Variants in AUTS2 observed in about 807,000 individuals in gnomAD.
The protein encoded by AUTS2 is activator of transcription and developmental regulator AUTS2, also known as autism susceptibility gene 2 protein.
A neutral mutation model predicts 112.4 loss-of-function variants in AUTS2; 17 were observed. The ratio of observed to expected loss-of-function variants is 0.15; its 90% confidence interval spans 0.10 to 0.23. The LOEUF is 0.23. Among genes scored for constraint, AUTS2 ranks in the 10% least tolerant of loss-of-function variants. The pLI is 1.00. For missense variants in AUTS2, 1,510 were observed against 1,701.6 expected (o/e 0.89, Z 1.98); for synonymous variants, 751 against 702.7 (o/e 1.07, Z -1.09).
At chr7:70,057,715 T>C (rs1374860633) in intron 2 of AUTS2, among the ~76,000 whole-genome samples, 1 of 152,212 alleles carries the variant, frequency 6.6e-6, no homozygotes, top group Non-Finnish European at 1.5e-5. Flanking sequence ...CCCTCTGTTC[T>C]AGCCTTTCAG....
intron 4 of AUTS2, among the ~76,000 whole-genome samples, chr7:70,238,095 C>A (rs961649884): frequency 1.3e-5 from 2 of 152,214 alleles, no homozygotes; most frequent in Non-Finnish European, 2.9e-5. Flanking sequence ...AAATTGAGCA[C>A]AAGCCCCATC....
chr7:69,975,833 G>A (rs549117150), intron 2 of AUTS2, among the ~76,000 whole-genome samples: 13 of 151,812 alleles, frequency 8.6e-5, no homozygotes, highest in Admixed American at 6.6e-4. Context: ...GATTACATGC[G>A]TGCGCTACCA....
chr7:70,675,335 TTA>T (rs1307205659), intron 5 of AUTS2, among the ~76,000 whole-genome samples: 1 of 151,830 alleles, frequency 6.6e-6, no homozygotes, highest in Non-Finnish European at 1.5e-5. Context: ...TCTGCTAAAA[TTA>T]TAAAAATTAG....
At chr7:69,925,586 G>T (rs780158126) in intron 2 of AUTS2, among the ~76,000 whole-genome samples, 27 of 152,118 alleles carry the variant, frequency 1.8e-4, no homozygotes, top group Non-Finnish European at 8.8e-5. Context: ...TAAGAGACAG[G>T]ATCTCACCCT....
intron 5 of AUTS2, among the ~76,000 whole-genome samples, chr7:70,486,469 G>T (rs1386129679): frequency 6.6e-6 from 1 of 152,238 alleles, no homozygotes; most frequent in Admixed American, 6.5e-5. Context: ...AGGCACGGTG[G>T]CTCACGCCTG....
chr7:70,600,500 TCCTGA>T (rs1487025114), intron 5 of AUTS2, among the ~76,000 whole-genome samples: 1 of 152,190 alleles, frequency 6.6e-6, no homozygotes, highest in Non-Finnish European at 1.5e-5. Flanking sequence ...GGTCTCAAAC[TCCTGA>T]CCTGAAGTGA....
At chr7:69,719,074 C>T (rs1798776160) in intron 1 of AUTS2, among the ~76,000 whole-genome samples, 1 of 152,210 alleles carries the variant, frequency 6.6e-6, no homozygotes, top group Admixed American at 6.5e-5. Flanking sequence ...ATGAAATGGC[C>T]TGCCTTGGCA....
chr7:70,632,995 GGA>G (rs201385387), intron 5 of AUTS2, among the ~76,000 whole-genome samples: 3 of 149,766 alleles, frequency 2.0e-5, no homozygotes, highest in African/African-American at 7.6e-5. Context: ...TACCTTGGGG[GGA>G]AAAAAAAAAG....
chr7:69,699,218 A>G (rs1030410152), intron 1 of AUTS2, among the ~76,000 whole-genome samples: 4 of 152,124 alleles, frequency 2.6e-5, no homozygotes, highest in African/African-American at 9.7e-5. Flanking sequence ...AGTAGGTAAT[A>G]TATTAATATG....
At chr7:70,013,811 G>A (rs1010522627) in intron 2 of AUTS2, among the ~76,000 whole-genome samples, 3 of 152,112 alleles carry the variant, frequency 2.0e-5, no homozygotes, top group East Asian at 1.9e-4. Flanking sequence ...TCCGCCTCCC[G>A]GGTTCAAGCG....
intron 4 of AUTS2, among the ~76,000 whole-genome samples, chr7:70,260,197 C>T (rs1422475327): frequency 6.6e-6 from 1 of 151,786 alleles, no homozygotes; most frequent in Non-Finnish European, 1.5e-5. Context: ...AACCCTGTCT[C>T]TACTAAAAAT....
intron 4 of AUTS2, among the ~76,000 whole-genome samples, chr7:70,328,323 G>A (rs919132603): frequency 6.6e-6 from 1 of 152,112 alleles, no homozygotes; most frequent in African/African-American, 2.4e-5. Context: ...CCAGGCTCAA[G>A]CAGTCTTCCC....
chr7:69,934,369 T>C (rs368138860), intron 2 of AUTS2, among the ~76,000 whole-genome samples: 1 of 152,204 alleles, frequency 6.6e-6, no homozygotes, highest in South Asian at 2.1e-4. Flanking sequence ...ACCCAAAGAC[T>C]GTATTTCTAG....
intron 1 of AUTS2, among the ~76,000 whole-genome samples, chr7:69,891,960 T>G (rs1794545334): frequency 6.7e-6 from 1 of 150,070 alleles, no homozygotes; most frequent in South Asian, 2.1e-4. Flanking sequence ...GCCCAGCTAA[T>G]TTTTTTGTAT....
chr7:70,471,449 ACT>A (rs1315595527), intron 5 of AUTS2, among the ~76,000 whole-genome samples: 2 of 152,230 alleles, frequency 1.3e-5, no homozygotes, highest in East Asian at 1.9e-4. Context: ...ATAAATGAAG[ACT>A]CTGAGATATG....
Position 69,778,321 on chromosome 7 carries a change from A to C in AUTS2, c.310-120965A>C, listed in dbSNP as rs759423039. On this transcript the variant is annotated intron_variant, in intron 1 of 18. Transcript: ENST00000342771. ...CTCAGTTACCAGATATTGCTGGTCC[A>C]TAGACCACACTTGGAGAACTACTGG... 1.9e-4 allele frequency among the ~76,000 whole-genome samples: 29 copies of C among 150,858 alleles called. 1 individual carries two copies. The highest frequency in any genetic ancestry group is 8.6e-4 in the Admixed American group (13 of 15,158).
At chr7:70,219,355 C>T (rs1294105822) in intron 4 of AUTS2, among the ~76,000 whole-genome samples, 1 of 152,068 alleles carries the variant, frequency 6.6e-6, no homozygotes, top group African/African-American at 2.4e-5. Context: ...GTTGTATAAT[C>T]CACAAAACTG....
chr7:70,410,474 A>G (rs1794728429), intron 4 of AUTS2, among the ~76,000 whole-genome samples: 1 of 151,510 alleles, frequency 6.6e-6, no homozygotes, highest in Non-Finnish European at 1.5e-5. Context: ...CCCAGGCTGG[A>G]GTGCAGCAGT....
intron 4 of AUTS2, among the ~76,000 whole-genome samples, chr7:70,378,068 G>A (rs187850021): frequency 4.3e-4 from 65 of 152,094 alleles, no homozygotes; most frequent in African/African-American, 1.4e-3. Flanking sequence ...GAGCCACCGC[G>A]CCCGGCCAGC....
Sources: allele counts gnomAD v4.1 joint callset (sites outside exome capture counted in the v4.1 genomes callset), GRCh38; gene constraint gnomAD v4.1.1; transcripts MANE v1.5; gene names NCBI Gene and HGNC (gene_info 2026-07-23, HGNC 2026-07-21).